RNF185: variants seen among roughly 807,000 people sequenced by gnomAD.
RNF185 encodes E3 ubiquitin-protein ligase RNF185.
RNF185 carries 13 observed loss-of-function variants against 24.9 expected under a neutral mutation model. That is an observed-to-expected ratio of 0.52 (90% confidence interval 0.34 to 0.83). The LOEUF is 0.83. Ranked by LOEUF, RNF185 falls within the 40% of genes least tolerant of loss-of-function variation. The probability of loss-of-function intolerance (pLI) is 0.01; values close to 1 mark genes in which losing one functional copy is unlikely to be tolerated. For synonymous variants in RNF185, 79 were observed against 90.3 expected, an observed-to-expected ratio of 0.88 and a Z score of 0.71; for missense variants, 184 against 244.7, an observed-to-expected ratio of 0.75 and a Z score of 1.65.
intron 1 of RNF185, among the ~76,000 whole-genome samples, chr22:31,164,880 G>A (rs1602781483): frequency 2.0e-5 from 3 of 150,652 alleles, no homozygotes; most frequent in South Asian, 4.2e-4. Flanking sequence ...CACCACACCC[G>A]GCCTGCATTT....
At position 31,205,832 on chromosome 22, in the gene RNF185, A is replaced by G. The variant is rs1047783873; in HGVS notation, c.*1246A>G. 3 of 152,424 alleles carry G rather than the reference A, an allele frequency of 2.0e-5. No individual in the cohort carries two copies. Among genetic ancestry groups the G allele is most frequent in the Admixed American group, 6.5e-5 (1 of 15,292 alleles). 9.4% of individuals were successfully genotyped at this position (152,424 alleles called of 1,614,324 possible). A position where few individuals can be genotyped will look rare whatever the true frequency, so the allele number is the denominator to read the frequency against. On this transcript the variant is annotated 3_prime_UTR_variant, in exon 7 of 7. Transcript: ENST00000326132. ...TATTGTGTGGTCTTCCCTCCTGTGG[A>G]ATCGAGGGGAAATTATTCTTCCCAA...
intron 1 of RNF185, among the ~76,000 whole-genome samples, chr22:31,184,414 C>T (rs1402453295): frequency 1.1e-4 from 16 of 151,438 alleles, no homozygotes; most frequent in African/African-American, 3.4e-4. Flanking sequence ...CGGGGAGAGG[C>T]GCTCCTCACT....
intron 1 of RNF185, among the ~76,000 whole-genome samples, chr22:31,178,155 G>GT (rs1434689481): frequency 6.6e-6 from 1 of 152,166 alleles, no homozygotes; most frequent in Admixed American, 6.5e-5. Flanking sequence ...AGTTAGGACT[G>GT]TTTTTTAAAA....
At chr22:31,196,214 C>T (rs2048204170) in intron 4 of RNF185, among the ~76,000 whole-genome samples, 1 of 152,198 alleles carries the variant, frequency 6.6e-6, no homozygotes. Context: ...CCACCTGCTC[C>T]TCTAACTTCT....
intron 1 of RNF185, among the ~76,000 whole-genome samples, chr22:31,160,523 G>A (rs1923499457): frequency 6.6e-6 from 1 of 152,192 alleles, no homozygotes; most frequent in African/African-American, 2.4e-5. Context: ...TTGCGAAAGA[G>A]AAGGGCTCCC....
intron 1 of RNF185, among the ~76,000 whole-genome samples, chr22:31,183,524 G>A (rs961299733): frequency 3.9e-5 from 6 of 152,128 alleles, no homozygotes; most frequent in African/African-American, 7.2e-5. Flanking sequence ...TAGGCAGAGG[G>A]CCCTGCCGCC....
chr22:31,175,085 A>C (rs982699488), intron 1 of RNF185, among the ~76,000 whole-genome samples: 1 of 151,584 alleles, frequency 6.6e-6, no homozygotes, highest in African/African-American at 2.4e-5. Context: ...TTAAAAAAAA[A>C]AAAAAAAAGT....
intron 2 of RNF185, 101 bp from the exon 3 acceptor site, chr22:31,192,583 A>G (rs1405781698): frequency 6.2e-6 from 6 of 975,414 alleles, no homozygotes; most frequent in African/African-American, 1.6e-5. Flanking sequence ...TTCTGCTACT[A>G]CCACTCCACC....
At chr22:31,168,934 GTCTC>G (rs1013050120) in intron 1 of RNF185, among the ~76,000 whole-genome samples, 1 of 151,650 alleles carries the variant, frequency 6.6e-6, no homozygotes, top group Non-Finnish European at 1.5e-5. Context: ...TTGAGACAGA[GTCTC>G]TCTCTCTCTT....
At position 31,201,590 on chromosome 22, in the gene RNF185, T is replaced by C; in HGVS notation, c.456T>C (p.Asn152=). The change falls in exon 6 of 7, where the codon AAT becomes AAC. Residue 152 remains asparagine, a synonymous_variant. Transcript: ENST00000326132. ...TTGGGATATTTGCCACAGCATTTAA[T>C]ATAAATGATGGGCGGCCTCCTCCAG... ...FPFGIFATAF[N]INDGRPPPAV... 1 of 1,611,706 alleles carries C rather than the reference T, an allele frequency of 6.2e-7. No homozygotes were observed. The highest frequency in any genetic ancestry group is 8.5e-7 in the Non-Finnish European group (1 of 1,178,576).
intron 2 of RNF185, among the ~76,000 whole-genome samples, chr22:31,189,276 A>G (rs1423832845): frequency 9.4e-6 from 1 of 105,830 alleles, no homozygotes; most frequent in South Asian, 3.0e-4. Context: ...CAGCTGTTGT[A>G]TATCTTTTTT....
At position 31,206,055 on chromosome 22, in the gene RNF185, C is replaced by G. The variant is rs1348014044; in HGVS notation, c.*1469C>G. The G allele has an allele frequency of 6.5e-6, 1 of 154,816 alleles. No homozygotes were observed. The highest frequency in any genetic ancestry group is 1.5e-5 in the Non-Finnish European group (1 of 68,238). The allele number at this position is 154,816 out of a possible 1,614,324, so 9.6% of individuals were successfully genotyped here. A position where few individuals can be genotyped will look rare whatever the true frequency, so the allele number is the denominator to read the frequency against. On this transcript the variant is annotated 3_prime_UTR_variant, in exon 7 of 7. Coordinates refer to ENST00000326132, the MANE Select transcript of RNF185 (RefSeq NM_152267.4). ...GGCTTTCCTCTGGGCCTCTCTCCTA[C>G]TTTGCCATCCACACTGCTCCTGGCT...
intron 5 of RNF185, chr22:31,197,206 A>G (rs2048214124): frequency 5.9e-6 from 3 of 508,712 alleles, no homozygotes; most frequent in Non-Finnish European, 1.0e-5. Context: ...ATTTTTCTAT[A>G]ATTATATATA....
chr22:31,190,578 C>T (rs1249162859), intron 2 of RNF185, among the ~76,000 whole-genome samples: 3 of 151,492 alleles, frequency 2.0e-5, no homozygotes, highest in South Asian at 2.1e-4. Context: ...TGAGCCACCA[C>T]GCCCAGCCTG....
At chr22:31,166,876 C>T (rs180820630) in intron 1 of RNF185, among the ~76,000 whole-genome samples, 16 of 152,252 alleles carry the variant, frequency 1.1e-4, no homozygotes, top group Admixed American at 2.6e-4. Flanking sequence ...TCTCGAACTC[C>T]TGACCTCAGA....
intron 1 of RNF185, among the ~76,000 whole-genome samples, chr22:31,178,932 T>C (rs989514636): frequency 1.3e-5 from 2 of 152,172 alleles, no homozygotes; most frequent in African/African-American, 2.4e-5. Flanking sequence ...TGCTGAATAT[T>C]GTGTTAGGAA....
rs1185108726 is a variant in RNF185, at chr22:31,187,053, C to T, written c.-42C>T. 2 of 1,572,986 alleles carry T rather than the reference C, an allele frequency of 1.3e-6. No individual in the cohort carries two copies. The highest frequency in any genetic ancestry group is 1.2e-5 in the South Asian group (1 of 86,120). On this transcript the variant is annotated 5_prime_UTR_variant, in exon 2 of 7. Transcript: ENST00000326132. ...AGAGTTCTCTGCCTTTTAGGATTTC[C>T]CTGGGGAAAGTCTTCACTCAGAGCT... is the stretch of plus-strand genomic sequence containing the variant.
intron 1 of RNF185, among the ~76,000 whole-genome samples, chr22:31,173,628 T>C (rs2047953796): frequency 6.6e-6 from 1 of 152,184 alleles, no homozygotes; most frequent in South Asian, 2.1e-4. Context: ...GTGACCTAAC[T>C]ACTCTGAGCC....
intron 1 of RNF185, among the ~76,000 whole-genome samples, chr22:31,166,235 C>T (rs936500995): frequency 2.0e-5 from 3 of 152,004 alleles, no homozygotes; most frequent in African/African-American, 4.8e-5. Flanking sequence ...AAGTGATCCG[C>T]CCACCTCAGC....
Sources: gnomAD v4.1 joint callset for allele counts (sites outside exome capture counted in the v4.1 genomes callset) on GRCh38, gnomAD v4.1.1 for gene constraint, MANE v1.5 for transcripts, NCBI Gene and HGNC (gene_info 2026-07-23, HGNC 2026-07-21) for gene names.